Variants in RABGEF1 observed in about 807,000 individuals in gnomAD.
The protein encoded by RABGEF1 is RAB guanine nucleotide exchange factor 1.
In RABGEF1, 26 loss-of-function variants were observed where a neutral mutation model predicts 57.3. The ratio of observed to expected loss-of-function variants is 0.45; its 90% CI spans 0.33 to 0.63. The LOEUF (loss-of-function observed/expected upper bound fraction) is 0.63, where lower values mean the gene tolerates loss of function less well. Among genes scored for constraint, RABGEF1 ranks in the 20% least tolerant of loss-of-function variants. The pLI, the probability that RABGEF1 is intolerant of heterozygous loss-of-function variation, is 0.02. For missense variants in RABGEF1, 464 were observed against 607.6 expected, an observed-to-expected ratio of 0.76 and a Z score of 2.48; for synonymous variants, 185 against 210.7, an observed-to-expected ratio of 0.88 and a Z score of 1.06.
chr7:66,781,019 A>G (rs1293435012), intron 3 of RABGEF1, among the ~76,000 whole-genome samples: 1 of 152,090 alleles, frequency 6.6e-6, no homozygotes. Context: ...CAGACTGTTT[A>G]TAGCACGTAT....
At chr7:66,790,700 G>C (rs1667887276) in intron 4 of RABGEF1, among the ~76,000 whole-genome samples, 1 of 152,216 alleles carries the variant, frequency 6.6e-6, no homozygotes. Flanking sequence ...CCCTAAGGCT[G>C]TTGGAAAGCA....
chr7:66,790,062 T>G (rs1051542640), intron 4 of RABGEF1, among the ~76,000 whole-genome samples: 3 of 152,228 alleles, frequency 2.0e-5, no homozygotes, highest in African/African-American at 7.2e-5. Context: ...TGGCAGATAC[T>G]GAGGACTTGC....
At chr7:66,753,322 C>T (rs1225577081) in intron 1 of RABGEF1, among the ~76,000 whole-genome samples, 5 of 152,236 alleles carry the variant, frequency 3.3e-5, no homozygotes, top group South Asian at 2.1e-4. Flanking sequence ...TTGTAAAGAA[C>T]AGGTGTTGCT....
chr7:66,769,706 T>C (rs1226554475), intron 1 of RABGEF1, among the ~76,000 whole-genome samples: 2 of 152,204 alleles, frequency 1.3e-5, no homozygotes, highest in African/African-American at 2.4e-5. Flanking sequence ...CATCTCAAGT[T>C]TTATGTCTTA....
Position 66,703,209 on chromosome 7 carries a change from G to T in RABGEF1, c.-872-8958G>T, listed in dbSNP as rs186043655. Among the ~76,000 whole-genome samples the T allele has an allele frequency of 3.3e-5, 5 of 152,056 alleles. No homozygotes were observed. The East Asian group carries it at 7.7e-4, about 23-fold the overall frequency. The stretch of plus-strand genomic sequence containing the variant: ...CAGAATGGTCTCATCTCCTGACCTC[G>T]TGCCCGCCCGCCTTGGCCTCCCAAA... On this transcript the variant is annotated intron_variant and NMD_transcript_variant, in intron 1 of 9. Transcript: ENST00000607882.
chr7:66,695,299 G>A (rs769116881), intron 1 of RABGEF1, among the ~76,000 whole-genome samples: 12 of 151,972 alleles, frequency 7.9e-5, no homozygotes, highest in Non-Finnish European at 1.6e-4. Flanking sequence ...GCAGCAGAGC[G>A]AGACCCTGTC....
intron 3 of RABGEF1, 35 bp downstream of exon 3, chr7:66,775,428 C>G (rs1268570891): frequency 1.2e-6 from 2 of 1,606,056 alleles, no homozygotes; most frequent in East Asian, 4.5e-5. Context: ...TCTTCTCTGC[C>G]TGAGTGAGAC....
At chr7:66,700,568 TGAG>T in intron 1 of RABGEF1, among the ~76,000 whole-genome samples, 1 of 151,176 alleles carries the variant, frequency 6.6e-6, no homozygotes, top group Non-Finnish European at 1.5e-5. Context: ...GCTGGGACAG[TGAG>T]GAGGAGTAAA....
chr7:66,763,256 T>G (rs1224002101), intron 1 of RABGEF1, among the ~76,000 whole-genome samples: 1 of 152,078 alleles, frequency 6.6e-6, no homozygotes, highest in Non-Finnish European at 1.5e-5. Context: ...AGGTCAGAAT[T>G]AAGCATCGGC....
Position 66,727,199 on chromosome 7 carries a change from C to T in RABGEF1, c.-814-12797C>T, listed in dbSNP as rs747946156. 5.9e-5 allele frequency among the ~76,000 whole-genome samples: 9 copies of T among 152,118 alleles called. No homozygotes were observed. In the East Asian group the frequency reaches 9.6e-4, roughly 16 times the overall value. On this transcript the variant is annotated intron_variant and NMD_transcript_variant, in intron 2 of 9. Coordinates refer to the RABGEF1 transcript ENST00000607882. ...AAGGATATGGGGTTGGCTGTAGAAT[C>T]GGGATCTTTGCTGACTAATGGAAGG...
Position 66,799,366 on chromosome 7 carries a change from A to G in RABGEF1, c.772A>G (p.Asn258Asp), listed in dbSNP as rs565375236. 4.3e-5 allele frequency: 69 copies of G among 1,612,696 alleles called. No individual in the cohort carries two copies. Among genetic ancestry groups the G allele is most frequent in the Non-Finnish European group, 5.5e-5 (65 of 1,178,684 alleles). The change falls in exon 7 of 9, where the codon AAT (asparagine) becomes GAT (aspartate). Residue 258 changes from asparagine to aspartate, a missense_variant. Around this residue, in one of 4 missense-constraint regions of RABGEF1, gnomAD observed 284 missense variants for 389.9 expected, o/e 0.73. Coordinates refer to ENST00000284957, the MANE Select transcript of RABGEF1 (RefSeq NM_014504.3). ...GCCTCAGATGCTGTGTGTCCCTGTT[A>G]ATGAAGACATCCCAGAAGTGTCTGA... is the stretch of plus-strand genomic sequence containing the variant. ...VTPQMLCVPV[N>D]EDIPEVSDMV...
chr7:66,754,002 G>A (rs532806911), intron 1 of RABGEF1, among the ~76,000 whole-genome samples: 1 of 148,342 alleles, frequency 6.7e-6, no homozygotes, highest in African/African-American at 2.5e-5. Flanking sequence ...AACGTACTAG[G>A]CCATTTTTTT....
chr7:66,666,405 C>A, the RABGEF1 span: 1 of 152,306 alleles, frequency 6.6e-6, no homozygotes, highest in Non-Finnish European at 1.5e-5. Flanking sequence ...ACAGCCCCCT[C>A]TTAGCCTAGT....
chr7:66,706,779 T>C (rs1389988802), intron 1 of RABGEF1, among the ~76,000 whole-genome samples: 1 of 92,514 alleles, frequency 1.1e-5, no homozygotes, highest in South Asian at 3.5e-4. Context: ...GACATACTGG[T>C]TTTTTTTTTT....
At position 66,697,723 on chromosome 7, in the gene RABGEF1, G is replaced by T. The variant is rs368551532; in HGVS notation, c.-872-14444G>T. 3.5e-3 allele frequency among the ~76,000 whole-genome samples: 533 copies of T among 152,254 alleles called. 6 individuals are homozygous for T. Among genetic ancestry groups the T allele is most frequent in the African/African-American group, 0.012 (511 of 41,546 alleles). ...CTGTGTTCTCCGGCCTCAGCGAGGTGGGGGGTGTTCATGTTTGAAGTGGCC... is the reference window on the plus strand; with the variant it reads ...CTGTGTTCTCCGGCCTCAGCGAGGTTGGGGGTGTTCATGTTTGAAGTGGCC... On this transcript the variant is annotated intron_variant and NMD_transcript_variant, in intron 1 of 9. Transcript: ENST00000607882.
intron 7 of RABGEF1, among the ~76,000 whole-genome samples, chr7:66,800,676 T>A (rs1364502165): frequency 1.3e-5 from 2 of 152,224 alleles, no homozygotes; most frequent in Non-Finnish European, 2.9e-5. Context: ...TTTTCCTGAC[T>A]CTTACTAGAA....
At chr7:66,668,577 A>G in the RABGEF1 span, among the ~76,000 whole-genome samples, 1 of 152,300 alleles carries the variant, frequency 6.6e-6, no homozygotes, top group South Asian at 2.1e-4. Context: ...AGTGAGGGCT[A>G]TTGTGGGCCG....
chr7:66,786,693 C>T (rs569217284), intron 4 of RABGEF1, among the ~76,000 whole-genome samples: 49 of 152,274 alleles, frequency 3.2e-4, no homozygotes, highest in East Asian at 1.5e-3. Context: ...TGTGAGCCAC[C>T]GCGCCCAGTG....
chr7:66,777,939 G>T (rs969935020), intron 3 of RABGEF1, among the ~76,000 whole-genome samples: 3 of 151,998 alleles, frequency 2.0e-5, no homozygotes, highest in Non-Finnish European at 4.4e-5. Context: ...TTGTTCTTTA[G>T]TTGCTTTTTG....
Sources: allele counts gnomAD v4.1 joint callset (sites outside exome capture counted in the v4.1 genomes callset), GRCh38; gene constraint gnomAD v4.1.1; regional missense constraint gnomAD v4.1.1; transcripts MANE v1.5; gene names NCBI Gene and HGNC (gene_info 2026-07-23, HGNC 2026-07-21).